Variants in STK3 observed in about 807,000 individuals in gnomAD.
The protein encoded by STK3 is serine/threonine kinase 3.
A neutral mutation model predicts 58.0 loss-of-function variants in STK3; 41 were observed. The observed-to-expected ratio is 0.71, with a 90% CI of 0.55 to 0.92. The LOEUF (loss-of-function observed/expected upper bound fraction) is 0.92. STK3 is among the 40% of genes least tolerant of loss of function. The probability of loss-of-function intolerance (pLI) is 0.00; values close to 1 mark genes in which losing one functional copy is unlikely to be tolerated. For synonymous variants in STK3, 170 were observed against 191.0 expected, an observed-to-expected ratio of 0.89 and a Z score of 0.91; for missense variants, 479 against 602.7, an observed-to-expected ratio of 0.79 and a Z score of 2.15.
chr8:98,385,135 C>T (rs1188071292), intron 1 of STK3, among the ~76,000 whole-genome samples: 1 of 151,986 alleles, frequency 6.6e-6, no homozygotes, highest in African/African-American at 2.4e-5. Flanking sequence ...AAGCTGGGCA[C>T]TGGGGAAGGT....
At chr8:98,367,620 T>G (rs1289822363), downstream of STK3, among the ~76,000 whole-genome samples, 2 of 152,220 alleles carry the variant, frequency 1.3e-5, no homozygotes, top group African/African-American at 4.8e-5. Context: ...GGAGCGGGGT[T>G]TCTTCCTCCC....
At chr8:98,905,531 C>T (rs1838863491) in intron 1 of STK3, 7 of 1,067,716 alleles carry the variant, frequency 6.6e-6, no homozygotes, top group African/African-American at 6.2e-5. Context: ...TATCCTCAGC[C>T]GCCGTCTTGT....
intron 10 of STK3, among the ~76,000 whole-genome samples, chr8:98,503,380 G>GT (rs1274956298): frequency 2.6e-5 from 4 of 152,016 alleles, no homozygotes; most frequent in Non-Finnish European, 1.5e-5. Context: ...TTTTTGAAGG[G>GT]TTTTTTGTGT....
At chr8:98,686,393 T>C (rs959967645) in intron 6 of STK3, among the ~76,000 whole-genome samples, 2 of 152,218 alleles carry the variant, frequency 1.3e-5, no homozygotes, top group South Asian at 2.1e-4. Flanking sequence ...ATTAACAATA[T>C]TAAATCAAAA....
At chr8:98,546,134 T>C (rs1326943029) in intron 9 of STK3, among the ~76,000 whole-genome samples, 2 of 152,180 alleles carry the variant, frequency 1.3e-5, no homozygotes, top group African/African-American at 4.8e-5. Flanking sequence ...AAACCACTTA[T>C]CTGTTCAACT....
chr8:98,385,440 C>T (rs1817780811), intron 1 of STK3, among the ~76,000 whole-genome samples: 1 of 152,144 alleles, frequency 6.6e-6, no homozygotes, highest in Non-Finnish European at 1.5e-5. Context: ...AGCCAGATGT[C>T]CTTAAGTTCA....
chr8:98,527,006 A>G, intron 9 of STK3, 89 bp from the exon 10 acceptor site: 5 of 1,173,410 alleles, frequency 4.3e-6, no homozygotes, highest in South Asian at 2.7e-5. Flanking sequence ...ATGAAGCCAT[A>G]TAATAAATTT....
intron 10 of STK3, among the ~76,000 whole-genome samples, chr8:98,493,421 G>A (rs890810323): frequency 6.6e-6 from 1 of 152,128 alleles, no homozygotes; most frequent in Non-Finnish European, 1.5e-5. Context: ...GGCTTTAGGC[G>A]TCACCATCTC....
intron 6 of STK3, chr8:98,598,448 C>T (rs1427744711): frequency 1.7e-5 from 17 of 985,376 alleles, no homozygotes; most frequent in South Asian, 4.7e-5. Context: ...GTATGATCTA[C>T]ACCAAAATGT....
intron 1 of STK3, among the ~76,000 whole-genome samples, chr8:98,812,188 G>C (rs911025793): frequency 2.0e-5 from 3 of 152,048 alleles, no homozygotes; most frequent in Admixed American, 2.0e-4. Flanking sequence ...GTTTAGCTCT[G>C]AAGTAATAAA....
chr8:98,428,394 A>C lies in STK3; in HGVS notation n.483+5733T>G, dbSNP rs541434350. The C allele has an allele frequency of 1.9e-6, 3 of 1,614,160 alleles. No homozygotes were observed. The African/African-American group carries it at 4.0e-5, about 22-fold the overall frequency. ...CGAGCAGGAGAAGTGGGACGAGCAGAGTGACCAGGAGAGCACCACGTCTTC... is the reference window on the plus strand; with the variant it reads ...CGAGCAGGAGAAGTGGGACGAGCAGCGTGACCAGGAGAGCACCACGTCTTC... On this transcript the variant is annotated intron_variant and non_coding_transcript_variant, in intron 3 of 3. Coordinates refer to the STK3 transcript ENST00000517832. The surrounding 1 kb of genome is among the most constrained non-coding windows in gnomAD (Gnocchi z 6.7).
At chr8:98,532,476 G>C (rs375897104) in intron 9 of STK3, among the ~76,000 whole-genome samples, 4 of 152,082 alleles carry the variant, frequency 2.6e-5, no homozygotes, top group African/African-American at 9.7e-5. Context: ...CAGTGTAACA[G>C]ACATAATAAT....
chr8:98,347,934 G>T, the STK3 span, among the ~76,000 whole-genome samples: 2 of 152,116 alleles, frequency 1.3e-5, no homozygotes, highest in Admixed American at 6.5e-5. Context: ...TATATGGAGA[G>T]GCAAAAGACC....
At chr8:98,650,909 A>C (rs912685813) in intron 6 of STK3, among the ~76,000 whole-genome samples, 10 of 152,220 alleles carry the variant, frequency 6.6e-5, no homozygotes, top group African/African-American at 1.4e-4. Context: ...CCTCTGGAGG[A>C]AGGGCACAGA....
intron 6 of STK3, chr8:98,651,842 AGATC>A (rs1820963845): frequency 1.3e-5 from 2 of 152,240 alleles, no homozygotes; most frequent in Non-Finnish European, 2.9e-5. Flanking sequence ...TGAAAAGACC[AGATC>A]TACGTCTGAT....
chr8:98,909,594 T>C (rs551829268), intron 1 of STK3, among the ~76,000 whole-genome samples: 1 of 152,342 alleles, frequency 6.6e-6, no homozygotes, highest in African/African-American at 2.4e-5. Context: ...TTCATACAAA[T>C]TGAATCATAT....
chr8:98,389,347 G>T (rs917812537), upstream of STK3, among the ~76,000 whole-genome samples: 3 of 152,154 alleles, frequency 2.0e-5, no homozygotes, highest in African/African-American at 7.2e-5. Context: ...TAAACTGAAG[G>T]ACTCTCGACA....
At chr8:98,348,462 G>C in the STK3 span, among the ~76,000 whole-genome samples, 1 of 152,170 alleles carries the variant, frequency 6.6e-6, no homozygotes, top group African/African-American at 2.4e-5. Context: ...AAAAGACATT[G>C]TCAAGAGAAT....
intron 6 of STK3, among the ~76,000 whole-genome samples, chr8:98,658,604 C>CT (rs1821727413): frequency 6.6e-6 from 1 of 152,004 alleles, no homozygotes; most frequent in Non-Finnish European, 1.5e-5. Flanking sequence ...CTCTTTGACT[C>CT]TTTCTTGCTG....
Sources: allele counts gnomAD v4.1 joint callset (sites outside exome capture counted in the v4.1 genomes callset), GRCh38; gene constraint gnomAD v4.1.1; non-coding constraint Gnocchi (gnomAD v3.1); transcripts MANE v1.5; gene names NCBI Gene and HGNC (gene_info 2026-07-23, HGNC 2026-07-21).